The following NUDT3 variants were observed in gnomAD, a reference collection of about 807,000 sequenced individuals.
NUDT3 encodes the protein diphosphoinositol polyphosphate phosphohydrolase 1.
A neutral mutation model predicts 23.6 loss-of-function variants in NUDT3; 9 were observed. The observed-to-expected ratio is 0.38, with a 90% CI of 0.23 to 0.66. The LOEUF (loss-of-function observed/expected upper bound fraction) is 0.66. NUDT3 is among the 30% of genes least tolerant of loss of function. NUDT3 has a pLI of 0.52. For synonymous variants in NUDT3, 86 were observed against 82.6 expected (o/e 1.04, Z -0.22); for missense variants, 172 against 218.5 (o/e 0.79, Z 1.34).
At chr6:34,333,724 A>G (rs1764164107) in intron 2 of NUDT3, among the ~76,000 whole-genome samples, 1 of 152,212 alleles carries the variant, frequency 6.6e-6, no homozygotes, top group African/African-American at 2.4e-5. Context: ...TTTATAGCAC[A>G]TGACTTCACT....
At chr6:34,354,749 A>ATATATATATATATATATATATATT (rs570166534) in intron 1 of NUDT3, among the ~76,000 whole-genome samples, 10 of 144,544 alleles carry the variant, frequency 6.9e-5, no homozygotes, top group South Asian at 2.2e-4. Flanking sequence ...ATATATATAT[A>ATATATATATATATATATATATATT]TATTTATTTA....
intron 1 of NUDT3, among the ~76,000 whole-genome samples, chr6:34,347,354 C>T (rs528629160): frequency 6.6e-6 from 1 of 152,314 alleles, no homozygotes; most frequent in East Asian, 1.9e-4. Context: ...GGGAAACCAG[C>T]TGACCAGGTA....
chr6:34,296,967 TGTCACCCAGGCTGGAGTGCA>T (rs1763510009), intron 2 of NUDT3, among the ~76,000 whole-genome samples: 2 of 149,512 alleles, frequency 1.3e-5, no homozygotes, highest in South Asian at 4.3e-4. Flanking sequence ...AGTCTCGCTC[TGTCACCCAGGCTGGAGTGCA>T]GTGGTGTGAT....
At chr6:34,357,069 G>A (rs543195880) in intron 1 of NUDT3, among the ~76,000 whole-genome samples, 5 of 152,072 alleles carry the variant, frequency 3.3e-5, no homozygotes, top group East Asian at 1.9e-4. Context: ...GAACCACCAC[G>A]CCCGGCCAAA....
Position 34,347,973 on chromosome 6 carries a change from C to CA in NUDT3, c.100-6002dup, listed in dbSNP as rs201382276. On this transcript the variant is annotated intron_variant, in intron 1 of 4. Coordinates refer to ENST00000607016, the MANE Select transcript of NUDT3 (RefSeq NM_006703.4). Reference sequence around the variant, plus strand: ...AACATACTGAAACCCCCATGTCTACCAAAAAAATAAATAAATAAATAAATA... The same window carrying CA: ...AACATACTGAAACCCCCATGTCTACCAAAAAAAATAAATAAATAAATAAATA... Among the ~76,000 whole-genome samples the CA allele has an allele frequency of 6.9e-4, 104 of 149,644 alleles. 1 individual carries two copies. The East Asian group carries it at 0.011, about 16-fold the overall frequency.
chr6:34,328,552 C>A lies in NUDT3; in HGVS notation c.210+13310G>T, dbSNP rs74696438. 5.9e-5 allele frequency among the ~76,000 whole-genome samples: 9 copies of A among 152,254 alleles called. No individual in the cohort carries two copies. In the East Asian group the frequency reaches 1.5e-3, roughly 26 times the overall value. On this transcript the variant is annotated intron_variant, in intron 2 of 4. Transcript: ENST00000607016. ...ATACTTTTTTTGTTGTTAACAAGGTCTTGATCTGTAACCCAGGCTGGAATG... is the reference window on the plus strand; with the variant it reads ...ATACTTTTTTTGTTGTTAACAAGGTATTGATCTGTAACCCAGGCTGGAATG...
At chr6:34,330,092 T>C (rs1024500392) in intron 2 of NUDT3, among the ~76,000 whole-genome samples, 5 of 152,246 alleles carry the variant, frequency 3.3e-5, no homozygotes, top group African/African-American at 1.2e-4. Context: ...CTATTGTGAA[T>C]AGTGCTGCAA....
intron 2 of NUDT3, among the ~76,000 whole-genome samples, chr6:34,333,060 A>C: frequency 6.6e-6 from 1 of 152,176 alleles, no homozygotes; most frequent in East Asian, 1.9e-4. Context: ...CTGCTGCCCT[A>C]GTCTAAAGAG....
intron 1 of NUDT3, among the ~76,000 whole-genome samples, chr6:34,360,468 G>A (rs1218125723): frequency 6.6e-6 from 1 of 152,116 alleles, no homozygotes; most frequent in African/African-American, 2.4e-5. Flanking sequence ...CAGCTACTCA[G>A]GAGGCTGAGG....
chr6:34,290,401 C>CT (rs952499361), intron 4 of NUDT3, among the ~76,000 whole-genome samples: 1,557 of 107,286 alleles, frequency 0.015, 13 homozygotes, highest in South Asian at 0.033. Flanking sequence ...GCTGCTGCTT[C>CT]TTTTTTTTTT....
intron 2 of NUDT3, among the ~76,000 whole-genome samples, chr6:34,318,239 CTT>C (rs1291716159): frequency 2.0e-5 from 3 of 152,274 alleles, no homozygotes; most frequent in Middle Eastern, 3.4e-3. Context: ...TAAATACTAA[CTT>C]TTACAATTGC....
chr6:34,354,480 T>C (rs953077904), intron 1 of NUDT3, among the ~76,000 whole-genome samples: 2 of 151,304 alleles, frequency 1.3e-5, no homozygotes, highest in East Asian at 1.9e-4. Flanking sequence ...CTCAACACTC[T>C]GGGAGGCCGA....
At chr6:34,307,066 G>T (rs751830210) in intron 2 of NUDT3, among the ~76,000 whole-genome samples, 1 of 152,012 alleles carries the variant, frequency 6.6e-6, no homozygotes, top group Non-Finnish European at 1.5e-5. Context: ...TCTTAGAGAA[G>T]CAAAAACATT....
chr6:34,390,954 C>T (rs1482791523), intron 1 of NUDT3, among the ~76,000 whole-genome samples: 2 of 152,134 alleles, frequency 1.3e-5, no homozygotes, highest in Non-Finnish European at 2.9e-5. Context: ...TATTACAATG[C>T]ATCTGTTTTG....
Position 34,329,298 on chromosome 6 carries a change from G to A in NUDT3, c.210+12564C>T, listed in dbSNP as rs375969321. On this transcript the variant is annotated intron_variant, in intron 2 of 4. Coordinates refer to ENST00000607016, the MANE Select transcript of NUDT3 (RefSeq NM_006703.4). ...AAAAAGAGAACAACCATTTTTTTTT[G>A]AGATGAAGTCTCGCTCTTATCCCCC... is the stretch of plus-strand genomic sequence containing the variant. Among the ~76,000 whole-genome samples the A allele has an allele frequency of 3.9e-4, 58 of 150,448 alleles. No homozygotes were observed. The Middle Eastern group carries it at 0.01, about 27-fold the overall frequency.
chr6:34,339,021 C>G (rs950343114), intron 2 of NUDT3, among the ~76,000 whole-genome samples: 4 of 152,140 alleles, frequency 2.6e-5, no homozygotes, highest in Non-Finnish European at 5.9e-5. Context: ...AACTGGACTG[C>G]CAAGGGAGTT....
chr6:34,375,328 A>T (rs1764904291), intron 1 of NUDT3, among the ~76,000 whole-genome samples: 1 of 152,208 alleles, frequency 6.6e-6, no homozygotes, highest in Non-Finnish European at 1.5e-5. Context: ...TGGGCGACAG[A>T]GTAAGACTCT....
chr6:34,371,497 C>CA (rs1280153968), intron 1 of NUDT3, among the ~76,000 whole-genome samples: 1 of 151,942 alleles, frequency 6.6e-6, no homozygotes, highest in East Asian at 1.9e-4. Context: ...TTGAAGATAG[C>CA]AAGTCTCATA....
chr6:34,285,413 A>AT lies in NUDT3; in HGVS notation c.*3339dup, dbSNP rs1229614931. The stretch of plus-strand genomic sequence containing the variant: ...AATGACTGTAATTTATAAACTAAAA[A>AT]TTTTTACAAATCCACTGCTATCTTC... On this transcript the variant is annotated 3_prime_UTR_variant, in exon 5 of 5. Transcript: ENST00000607016. 2 of 152,146 alleles carry AT rather than the reference A, an allele frequency of 1.3e-5. No homozygotes were observed. Among genetic ancestry groups the AT allele is most frequent in the Admixed American group, 6.5e-5 (1 of 15,272 alleles). 9.4% of individuals were successfully genotyped at this position (152,146 alleles called of 1,614,324 possible).
Sources: gnomAD v4.1 joint callset for allele counts (sites outside exome capture counted in the v4.1 genomes callset) on GRCh38, gnomAD v4.1.1 for gene constraint, MANE v1.5 for transcripts, NCBI Gene and HGNC (gene_info 2026-07-23, HGNC 2026-07-21) for gene names.